The following CSMD1 variants were observed in gnomAD, a reference collection of about 807,000 sequenced individuals.
CSMD1 encodes CUB and Sushi multiple domains 1.
In CSMD1, 213 loss-of-function variants were observed where a neutral mutation model predicts 417.5. That is an observed-to-expected ratio of 0.51 (90% CI 0.46 to 0.57). The LOEUF (loss-of-function observed/expected upper bound fraction) is 0.57. Ranked by LOEUF, CSMD1 falls within the 20% of genes least tolerant of loss-of-function variation. The pLI, the probability that CSMD1 is intolerant of heterozygous loss-of-function variation, is 0.00. For missense variants in CSMD1, 6,923 were observed against 4,529.7 expected (o/e 1.53, Z -15.17); for synonymous variants, 2,862 against 1,736.8 (o/e 1.65, Z -16.11).
chr8:3,344,020 G>A (rs1183555481), intron 22 of CSMD1, among the ~76,000 whole-genome samples: 3 of 152,148 alleles, frequency 2.0e-5, no homozygotes, highest in Non-Finnish European at 2.9e-5. Context: ...TAGTAATACA[G>A]AAGTGTGATG....
At chr8:3,752,258 A>G (rs901044010) in intron 6 of CSMD1, among the ~76,000 whole-genome samples, 40 of 152,228 alleles carry the variant, frequency 2.6e-4, no homozygotes, top group African/African-American at 8.7e-4. Flanking sequence ...ACTCTAATAA[A>G]ATTTCAGGGC....
At chr8:4,941,175 A>G (rs1807972572) in intron 1 of CSMD1, among the ~76,000 whole-genome samples, 2 of 152,222 alleles carry the variant, frequency 1.3e-5, no homozygotes, top group Non-Finnish European at 2.9e-5. Flanking sequence ...ATATTAAAAT[A>G]AAAAACAAAA....
intron 4 of CSMD1, among the ~76,000 whole-genome samples, chr8:3,999,905 G>C (rs1455839693): frequency 2.0e-5 from 3 of 152,108 alleles, no homozygotes; most frequent in Non-Finnish European, 2.9e-5. Context: ...GACATCTCAG[G>C]AAACTCATTT....
intron 46 of CSMD1, among the ~76,000 whole-genome samples, chr8:3,104,519 C>T (rs1336025937): frequency 6.6e-6 from 1 of 151,846 alleles, no homozygotes; most frequent in African/African-American, 2.4e-5. Context: ...CATGTAGATA[C>T]AACTTCAATG....
intron 1 of CSMD1, among the ~76,000 whole-genome samples, chr8:4,984,910 G>A (rs1168711704): frequency 6.6e-6 from 1 of 152,166 alleles, no homozygotes; most frequent in African/African-American, 2.4e-5. Context: ...AGCATGCAGA[G>A]CAGTGGCACA....
chr8:3,644,640 T>G (rs1396559169), intron 7 of CSMD1, among the ~76,000 whole-genome samples: 3 of 152,094 alleles, frequency 2.0e-5, no homozygotes, highest in Non-Finnish European at 2.9e-5. Flanking sequence ...CCCTATTACC[T>G]TCAGTAAAGA....
intron 12 of CSMD1, among the ~76,000 whole-genome samples, chr8:3,441,544 G>T (rs1814986443): frequency 6.8e-6 from 1 of 147,968 alleles, no homozygotes; most frequent in Non-Finnish European, 1.5e-5. Context: ...TACCACGTAA[G>T]GACATTTCAA....
chr8:4,065,611 C>G (rs554276441), intron 3 of CSMD1, among the ~76,000 whole-genome samples: 1 of 152,090 alleles, frequency 6.6e-6, no homozygotes, highest in African/African-American at 2.4e-5. Context: ...GTAAAGGAGA[C>G]TCATGAATGA....
intron 3 of CSMD1, among the ~76,000 whole-genome samples, chr8:4,040,655 CAT>C (rs1297907967): frequency 1.3e-5 from 2 of 151,986 alleles, no homozygotes; most frequent in Admixed American, 6.5e-5. Context: ...ACAACCATAA[CAT>C]AGTTTTAAAA....
chr8:3,851,686 G>A (rs531475669), intron 5 of CSMD1, among the ~76,000 whole-genome samples: 17 of 152,096 alleles, frequency 1.1e-4, no homozygotes, highest in Admixed American at 3.9e-4. Flanking sequence ...GTGAATAGCA[G>A]AAGAAAAGAG....
chr8:4,929,509 C>G (rs925594306), intron 1 of CSMD1, among the ~76,000 whole-genome samples: 2 of 152,116 alleles, frequency 1.3e-5, no homozygotes, highest in African/African-American at 2.4e-5. Flanking sequence ...TCAGGGAACT[C>G]CTGTCTTGAT....
intron 1 of CSMD1, among the ~76,000 whole-genome samples, chr8:4,892,959 A>C (rs1346241160): frequency 6.6e-6 from 1 of 152,110 alleles, no homozygotes; most frequent in Non-Finnish European, 1.5e-5. Context: ...ATATGAGCAT[A>C]TTGTGAAAGA....
intron 2 of CSMD1, among the ~76,000 whole-genome samples, chr8:4,446,733 CTGTGTGTGTGTGTGTG>C (rs758084825): frequency 3.0e-5 from 4 of 134,038 alleles, no homozygotes; most frequent in Non-Finnish European, 6.4e-5. Flanking sequence ...GTGTGTGTGT[CTGTGTGTGTGTGTGTG>C]TGTGTCTGTG....
intron 5 of CSMD1, among the ~76,000 whole-genome samples, chr8:3,762,272 T>C (rs1245831356): frequency 6.6e-6 from 1 of 152,066 alleles, no homozygotes; most frequent in African/African-American, 2.4e-5. Context: ...TCAGCAGAAA[T>C]ATCTGCCCTG....
chr8:4,190,861 T>C (rs1798983957), intron 3 of CSMD1, among the ~76,000 whole-genome samples: 1 of 150,886 alleles, frequency 6.6e-6, no homozygotes. Flanking sequence ...GAAAACCAAA[T>C]ACCACATGAT....
chr8:3,300,958 C>CA (rs374180480), intron 25 of CSMD1, among the ~76,000 whole-genome samples: 22,487 of 50,648 alleles, frequency 0.44, 5,283 homozygotes, highest in Non-Finnish European at 0.47. Flanking sequence ...GACTCTGTCT[C>CA]AAAAAAAAAA....
intron 41 of CSMD1, chr8:3,127,493 G>A (rs898729699): frequency 7.2e-5 from 11 of 152,108 alleles, no homozygotes; most frequent in South Asian, 4.1e-4. Context: ...GCCTGGAGGT[G>A]GCTTAATTGC....
chr8:4,148,755 C>T (rs1045964282), intron 3 of CSMD1, among the ~76,000 whole-genome samples: 4 of 152,102 alleles, frequency 2.6e-5, no homozygotes, highest in Admixed American at 2.6e-4. Context: ...GGCTCCACAT[C>T]CTAATGCCAT....
intron 3 of CSMD1, among the ~76,000 whole-genome samples, chr8:4,290,624 G>C (rs551797715): frequency 6.6e-6 from 1 of 152,170 alleles, no homozygotes; most frequent in Admixed American, 6.5e-5. Flanking sequence ...GCTGTATTTA[G>C]GAAAGATTCC....
Sources: gnomAD v4.1 joint callset for allele counts (sites outside exome capture counted in the v4.1 genomes callset) on GRCh38, gnomAD v4.1.1 for gene constraint, MANE v1.5 for transcripts, NCBI Gene and HGNC (gene_info 2026-07-23, HGNC 2026-07-21) for gene names.